EDEM2: variants seen among roughly 807,000 people sequenced by gnomAD.
EDEM2 encodes the protein ER degradation enhancing alpha-mannosidase like protein 2, also known as ER degradation-enhancing alpha-mannosidase-like protein 2.
EDEM2 carries 39 observed loss-of-function variants against 64.8 expected under a neutral mutation model. The ratio of observed to expected loss-of-function variants is 0.60; its 90% CI spans 0.47 to 0.79. EDEM2 has a LOEUF of 0.79. Among genes scored for constraint, EDEM2 ranks in the 30% least tolerant of loss-of-function variants. The pLI, the probability that EDEM2 is intolerant of heterozygous loss-of-function variation, is 0.00. For missense variants in EDEM2, 609 were observed against 731.3 expected (o/e 0.83, Z 1.93); for synonymous variants, 296 against 291.5 (o/e 1.02, Z -0.16).
chr20:35,136,997 C>T (rs2085585388), intron 5 of EDEM2, among the ~76,000 whole-genome samples: 2 of 152,138 alleles, frequency 1.3e-5, no homozygotes, highest in African/African-American at 4.8e-5. Context: ...ACAAATCCCT[C>T]TCGTTTTAAA....
chr20:35,139,807 C>T (rs1319904640), intron 4 of EDEM2, among the ~76,000 whole-genome samples: 1 of 151,706 alleles, frequency 6.6e-6, no homozygotes, highest in Non-Finnish European at 1.5e-5. Context: ...ACGTCTGGTT[C>T]ATTATGCTAT....
rs1196724417 is a variant in EDEM2 at position 35,131,792 on chromosome 20, G to GAGAA, written c.703-13_703-10dup. On this transcript the variant is annotated splice_polypyrimidine_tract_variant and intron_variant, in intron 6 of 10. Coordinates refer to ENST00000374492, the MANE Select transcript of EDEM2 (RefSeq NM_018217.3). ...TCAATGTGGTTGCCGACCTGAGAGA[G>GAGAA]AGAAAGACACACGGTCCCAACGGGA... The GAGAA allele has an allele frequency of 6.2e-7, 1 of 1,612,884 alleles. No homozygotes were observed. The highest frequency in any genetic ancestry group is 1.3e-5 in the African/African-American group (1 of 74,874).
Position 35,131,558 on chromosome 20 carries a change from T to A in EDEM2, c.844+84A>T, listed in dbSNP as rs2085505464. On this transcript the variant is annotated intron_variant, in intron 7 of 10. Coordinates refer to ENST00000374492, the MANE Select transcript of EDEM2 (RefSeq NM_018217.3). ...TCCAGCCTGGGAGATGGAGCAAGAC[T>A]CTGTCTCAAAAAAAAGTTTTTAAAC... The A allele has an allele frequency of 6.5e-6, 10 of 1,533,284 alleles. No individual in the cohort carries two copies. In the Admixed American group the frequency reaches 1.8e-4, roughly 28 times the overall value. The allele number at this position is 1,533,284 out of a possible 1,614,324, so 95.0% of individuals were successfully genotyped here.
intron 4 of EDEM2, among the ~76,000 whole-genome samples, 162 bp from the exon 5 acceptor site, chr20:35,138,167 C>T (rs2085603266): frequency 6.6e-6 from 1 of 152,220 alleles, no homozygotes; most frequent in African/African-American, 2.4e-5. Flanking sequence ...AAACAAAAAC[C>T]TCACTCTGTT....
chr20:35,138,117 C>A, intron 4 of EDEM2, 112 bp from the exon 5 acceptor site: 1 of 1,383,310 alleles, frequency 7.2e-7, no homozygotes, highest in South Asian at 1.4e-5. Context: ...GGCGCATGTT[C>A]TCAGGACCTC....
intron 10 of EDEM2, 130 bp from the exon 11 acceptor site, chr20:35,116,063 CAG>C: frequency 2.1e-6 from 2 of 953,916 alleles, no homozygotes; most frequent in Non-Finnish European, 1.5e-6. Flanking sequence ...CTGAACTTTT[CAG>C]AACTTCACTC....
chr20:35,126,366 T>C lies in EDEM2; in HGVS notation c.854A>G (p.Lys285Arg). ...GAAGCGGGTGTAGTTCCGGATGGCTTTGTTATACTCTGCAGTGGGGGAGAT... is the reference window on the plus strand; with the variant it reads ...GAAGCGGGTGTAGTTCCGGATGGCTCTGTTATACTCTGCAGTGGGGGAGAT... ...KLMAMFLEYN[K>R]AIRNYTRFDD... Residue 285 changes from lysine to arginine, a missense_variant, in exon 8 of 11, where the codon AAA becomes AGA. Transcript: ENST00000374492. The C allele has an allele frequency of 6.2e-7, 1 of 1,613,864 alleles. No individual in the cohort carries two copies. Among genetic ancestry groups the C allele is most frequent in the Non-Finnish European group, 8.5e-7 (1 of 1,179,952 alleles).
At chr20:35,131,867 G>GGGAGAT in intron 6 of EDEM2, 84 bp from the exon 7 acceptor site, 2 of 1,507,256 alleles carry the variant, frequency 1.3e-6, no homozygotes, top group Non-Finnish European at 1.8e-6. Flanking sequence ...TGACTGCCCA[G>GGGAGAT]GGAGATGCAG....
intron 7 of EDEM2, among the ~76,000 whole-genome samples, chr20:35,126,955 T>C (rs1250828152): frequency 1.3e-5 from 2 of 152,118 alleles, no homozygotes; most frequent in Non-Finnish European, 2.9e-5. Flanking sequence ...TTTGGCTGTG[T>C]CCCCACCTAA....
At chr20:35,138,806 G>A (rs1377715111) in intron 4 of EDEM2, among the ~76,000 whole-genome samples, 2 of 151,410 alleles carry the variant, frequency 1.3e-5, no homozygotes, top group East Asian at 2.0e-4. Context: ...GGATGGTCTC[G>A]ATCTCCTGAC....
intron 10 of EDEM2, among the ~76,000 whole-genome samples, chr20:35,116,886 T>A (rs547164182): frequency 1.3e-5 from 2 of 151,776 alleles, no homozygotes; most frequent in Admixed American, 1.3e-4. Flanking sequence ...GCCTCCCGGG[T>A]TCAAGCAATT....
At chr20:35,140,187 A>G (rs1286355414) in intron 4 of EDEM2, among the ~76,000 whole-genome samples, 4 of 152,336 alleles carry the variant, frequency 2.6e-5, no homozygotes, top group Non-Finnish European at 4.4e-5. Flanking sequence ...AAAAATAGTC[A>G]AAAAAGTGGT....
At chr20:35,136,686 G>A (rs575769819) in intron 5 of EDEM2, among the ~76,000 whole-genome samples, 42 of 148,194 alleles carry the variant, frequency 2.8e-4, no homozygotes, top group African/African-American at 9.7e-4. Context: ...CCAGAAGTTC[G>A]AGAGGCTGCA....
chr20:35,128,777 C>G (rs572168890), intron 7 of EDEM2, among the ~76,000 whole-genome samples: 1 of 149,324 alleles, frequency 6.7e-6, no homozygotes, highest in East Asian at 1.9e-4. Context: ...TAGTTTTTAA[C>G]AAAAAAGTCT....
intron 10 of EDEM2, among the ~76,000 whole-genome samples, chr20:35,117,509 G>T (rs926518548): frequency 5.9e-5 from 9 of 151,944 alleles, no homozygotes; most frequent in Non-Finnish European, 8.8e-5. Context: ...GGCCCCAGTG[G>T]GCTTATCATT....
intron 6 of EDEM2, among the ~76,000 whole-genome samples, chr20:35,132,624 A>G (rs1473934851): frequency 6.6e-6 from 1 of 151,910 alleles, no homozygotes; most frequent in Non-Finnish European, 1.5e-5. Context: ...ACTGCACTCC[A>G]GCCTGGGCGA....
At chr20:35,136,438 C>G (rs1000685711) in intron 5 of EDEM2, among the ~76,000 whole-genome samples, 4 of 152,086 alleles carry the variant, frequency 2.6e-5, no homozygotes, top group Non-Finnish European at 4.4e-5. Flanking sequence ...AGCTCTCCCC[C>G]AAAGGAGAGG....
intron 6 of EDEM2, among the ~76,000 whole-genome samples, chr20:35,132,253 G>A (rs2085515207): frequency 6.6e-6 from 1 of 151,752 alleles, no homozygotes; most frequent in Non-Finnish European, 1.5e-5. Context: ...CCGAATAGCT[G>A]GAGACAGGGG....
intron 6 of EDEM2, chr20:35,134,235 T>C: frequency 2.3e-6 from 1 of 439,374 alleles, no homozygotes; most frequent in South Asian, 1.6e-5. Flanking sequence ...ATTTCTTTAC[T>C]AGAGGATTTT....
Sources: gnomAD v4.1 joint callset for allele counts (sites outside exome capture counted in the v4.1 genomes callset) on GRCh38, gnomAD v4.1.1 for gene constraint, MANE v1.5 for transcripts, NCBI Gene and HGNC (gene_info 2026-07-23, HGNC 2026-07-21) for gene names.